VWDE: variants seen among roughly 807,000 people sequenced by gnomAD.
VWDE encodes the protein von Willebrand factor D and EGF domains, also known as von Willebrand factor D and EGF domain-containing protein.
Under a neutral mutation model 178.4 loss-of-function variants are expected in VWDE, and 207 were observed. The observed-to-expected ratio is 1.16, with a 90% CI of 1.04 to 1.30. The LOEUF (loss-of-function observed/expected upper bound fraction) is 1.30. Among genes scored for constraint, VWDE ranks in the 50% most tolerant of loss-of-function variants. The pLI, the probability that VWDE is intolerant of heterozygous loss-of-function variation, is 0.00. For synonymous variants in VWDE, 738 were observed against 651.4 expected (o/e 1.13, Z -2.02); for missense variants, 2,287 against 1,901.3 (o/e 1.20, Z -3.77).
chr7:12,374,786 T>C, intron 8 of VWDE, 24 bp from the exon 9 acceptor site: 1 of 1,435,638 alleles, frequency 7.0e-7, no homozygotes, highest in Non-Finnish European at 9.4e-7. Flanking sequence ...ATATTTTTGG[T>C]AAATATTACC....
chr7:12,401,858 T>C (rs775549299), intron 1 of VWDE, among the ~76,000 whole-genome samples: 50 of 152,254 alleles, frequency 3.3e-4, no homozygotes, highest in Non-Finnish European at 5.1e-4. Context: ...TATAGCAACA[T>C]TATTTATAAT....
chr7:12,389,184 T>A lies in VWDE; in HGVS notation c.418A>T (p.Asn140Tyr). The part of the protein sequence containing the change: ...QIPVSVRNCG[N>Y]FSVYLLQPTQ... ...GGTTGTAGTAAGTATACAGAAAAGTTCCCACAGTTTCTTACAGACACTGGG... is the reference window on the plus strand; with the variant it reads ...GGTTGTAGTAAGTATACAGAAAAGTACCCACAGTTTCTTACAGACACTGGG... Residue 140 changes from asparagine to tyrosine, a missense_variant, in exon 3 of 29, where the codon AAC becomes TAC. Asn to Tyr is a moderately radical substitution (Grantham distance 143). Coordinates refer to ENST00000275358, the MANE Select transcript of VWDE (RefSeq NM_001135924.3). 6.4e-7 allele frequency: 1 copy of A among 1,551,950 alleles called. No individual in the cohort carries two copies. Among genetic ancestry groups the A allele is most frequent in the Non-Finnish European group, 8.7e-7 (1 of 1,147,028 alleles).
At position 12,373,091 on chromosome 7, in the gene VWDE, A is replaced by C. The variant is rs1414950632; in HGVS notation, c.1473T>G (p.Thr491=). The C allele has an allele frequency of 5.8e-6, 9 of 1,551,232 alleles. No homozygotes were observed. The highest frequency in any genetic ancestry group is 1.7e-4 in the Middle Eastern group (1 of 6,014). Residue 491 remains threonine, a synonymous_variant, in exon 10 of 29, where the codon ACT becomes ACG. Coordinates refer to ENST00000275358, the MANE Select transcript of VWDE (RefSeq NM_001135924.3). ...FVAQEGGDIV[T]FDMCNGQLRE... ...GTAGCTGACCATTGCACATATCAAA[A>C]GTAACTATATCACCTCCTTCCTGGG... is the stretch of plus-strand genomic sequence containing the variant.
At chr7:12,340,662 G>C (rs975651639) in intron 23 of VWDE, among the ~76,000 whole-genome samples, 1 of 152,178 alleles carries the variant, frequency 6.6e-6, no homozygotes, top group African/African-American at 2.4e-5. Context: ...AAGGGAGCTG[G>C]AATTTAAAGT....
chr7:12,340,498 G>A, intron 23 of VWDE, 81 bp from the exon 24 acceptor site: 1 of 956,032 alleles, frequency 1.0e-6, no homozygotes, highest in South Asian at 1.7e-5. Context: ...GCAAAATGGT[G>A]CATAATGAAA....
intron 3 of VWDE, among the ~76,000 whole-genome samples, chr7:12,387,203 G>C (rs1001651106): frequency 2.0e-5 from 3 of 151,854 alleles, no homozygotes; most frequent in Non-Finnish European, 4.4e-5. Context: ...ATGTAAAGTA[G>C]ACAATAATGC....
chr7:12,356,860 G>A (rs1782277282), intron 17 of VWDE, among the ~76,000 whole-genome samples: 1 of 152,164 alleles, frequency 6.6e-6, no homozygotes, highest in South Asian at 2.1e-4. Context: ...AGGAATTATA[G>A]TTGCCAATTA....
At chr7:12,379,012 T>C (rs10270541) in intron 6 of VWDE, among the ~76,000 whole-genome samples, 4,983 of 152,188 alleles carry the variant, frequency 0.033, 255 homozygotes, top group African/African-American at 0.11. Context: ...AGCTCTTCAG[T>C]TCTTGGATCC....
intron 17 of VWDE, 35 bp from the exon 18 acceptor site, chr7:12,356,365 T>G: frequency 1.3e-6 from 2 of 1,518,800 alleles, no homozygotes; most frequent in Non-Finnish European, 1.8e-6. Flanking sequence ...GTCTTATTTT[T>G]CAATAAAATT....
intron 14 of VWDE, 28 bp from the exon 15 acceptor site, chr7:12,361,279 T>G: frequency 6.5e-7 from 1 of 1,535,280 alleles, no homozygotes; most frequent in Non-Finnish European, 8.8e-7. Flanking sequence ...TATAATAAGA[T>G]GATTTGTTCT....
In VWDE at chr7:12,377,766, A is replaced by G; in HGVS notation, c.1024+10T>C. On this transcript the variant is annotated intron_variant, in intron 7 of 28. Transcript: ENST00000275358. ...TCTAATAATAAGATAAAATAAAGTTAGTATATTACCTTGACCAATAGTTTT... is the reference window on the plus strand; with the variant it reads ...TCTAATAATAAGATAAAATAAAGTTGGTATATTACCTTGACCAATAGTTTT... 2.1e-6 allele frequency: 3 copies of G among 1,418,598 alleles called. No homozygotes were observed. Among genetic ancestry groups the G allele is most frequent in the Non-Finnish European group, 2.8e-6 (3 of 1,067,074 alleles). 87.9% of individuals were successfully genotyped at this position (1,418,598 alleles called of 1,614,324 possible).
At chr7:12,389,483 T>C in intron 2 of VWDE, 125 bp from the exon 3 acceptor site, 1 of 700,514 alleles carries the variant, frequency 1.4e-6, no homozygotes, top group South Asian at 2.0e-5. Context: ...AAATTATGGC[T>C]TGTACCTGTT....
intron 19 of VWDE, among the ~76,000 whole-genome samples, chr7:12,346,296 T>G (rs1781594396): frequency 6.6e-6 from 1 of 152,286 alleles, no homozygotes; most frequent in East Asian, 1.9e-4. Context: ...ACAGCCCCTA[T>G]GCCTGAGCAA....
In VWDE at chr7:12,342,046, T is replaced by C. The variant is rs368078520; in HGVS notation, c.4270+13A>G. 2.5e-4 allele frequency: 380 copies of C among 1,542,720 alleles called. 3 individuals are homozygous for C. In the African/African-American group the frequency reaches 4.8e-3, roughly 20 times the overall value. Reference sequence around the variant, plus strand: ...TTAATTGACATGTTCATTGAAAATATTTCCAATTTTACCTGTACTACAGGT... The same window carrying C: ...TTAATTGACATGTTCATTGAAAATACTTCCAATTTTACCTGTACTACAGGT... On this transcript the variant is annotated intron_variant, in intron 23 of 28. Coordinates refer to ENST00000275358, the MANE Select transcript of VWDE (RefSeq NM_001135924.3).
chr7:12,345,440 A>G (rs1197832119), intron 19 of VWDE, among the ~76,000 whole-genome samples: 1 of 152,178 alleles, frequency 6.6e-6, no homozygotes, highest in African/African-American at 2.4e-5. Flanking sequence ...CAGCGTCCAC[A>G]TTGGAAGTGA....
At position 12,357,491 on chromosome 7, in the gene VWDE, G is replaced by A. The variant is rs1216565838; in HGVS notation, c.3299C>T (p.Ala1100Val). ...LENNQPPVIQ[A>V]LQDKLQTFYG... ...AAATGTCTGTAATTTGTCTTGCAAT[G>A]CTTGAATCACTGGGGGCTGGTTGTC... Residue 1100 changes from alanine to valine, a missense_variant, in exon 17 of 29, where the codon GCA (alanine) becomes GTA (valine). Transcript: ENST00000275358. The A allele has an allele frequency of 6.4e-7, 1 of 1,552,136 alleles. No homozygotes were observed. Among genetic ancestry groups the A allele is most frequent in the East Asian group, 2.4e-5 (1 of 40,886 alleles).
At chr7:12,344,886 G>C (rs973737200) in intron 19 of VWDE, among the ~76,000 whole-genome samples, 4 of 152,074 alleles carry the variant, frequency 2.6e-5, no homozygotes, top group African/African-American at 9.7e-5. Context: ...GCCAGAATTA[G>C]TATTTGAAGT....
rs528904461 is a variant in VWDE at position 12,349,657 on chromosome 7, C to G, written c.3886+1916G>C. On this transcript the variant is annotated intron_variant, in intron 19 of 28. Transcript: ENST00000275358. ...GGCCAGAATATATAAAGTACTCCTA[C>G]AAATCAATAAAAAAGGCAAGCAAAA... is the stretch of plus-strand genomic sequence containing the variant. Among the ~76,000 whole-genome samples, 4 of 151,070 alleles carry G rather than the reference C, an allele frequency of 2.6e-5. No individual in the cohort carries two copies. In the East Asian group the frequency reaches 7.8e-4, roughly 29 times the overall value.
At chr7:12,335,834 T>C (rs1204781822) in intron 27 of VWDE, among the ~76,000 whole-genome samples, 1 of 152,188 alleles carries the variant, frequency 6.6e-6, no homozygotes, top group Non-Finnish European at 1.5e-5. Context: ...TAATATGAAA[T>C]AATATTTAAA....
Sources: gnomAD v4.1 joint callset for allele counts (sites outside exome capture counted in the v4.1 genomes callset) on GRCh38, gnomAD v4.1.1 for gene constraint, MANE v1.5 for transcripts, NCBI Gene and HGNC (gene_info 2026-07-23, HGNC 2026-07-21) for gene names.